The following MAGI2 variants were observed in gnomAD, a reference collection of about 807,000 sequenced individuals.
The protein encoded by MAGI2 is membrane-associated guanylate kinase, WW and PDZ domain-containing protein 2.
In MAGI2, 35 loss-of-function variants were observed where a neutral mutation model predicts 133.3. The observed-to-expected ratio is 0.26, with a 90% CI of 0.20 to 0.35. The LOEUF (loss-of-function observed/expected upper bound fraction) is 0.35. MAGI2 is among the 10% of genes least tolerant of loss of function. MAGI2 has a pLI of 1.00. For synonymous variants in MAGI2, 729 were observed against 710.6 expected (o/e 1.03, Z -0.41); for missense variants, 1,636 against 1,863.4 (o/e 0.88, Z 2.25).
intron 3 of MAGI2, among the ~76,000 whole-genome samples, chr7:78,567,493 C>T (rs1801068684): frequency 6.6e-6 from 1 of 151,988 alleles, no homozygotes; most frequent in Non-Finnish European, 1.5e-5. Context: ...TAATTGGTAG[C>T]TTTTGTATCA....
At chr7:78,344,780 T>A (rs1790733190) in intron 8 of MAGI2, among the ~76,000 whole-genome samples, 6 of 152,244 alleles carry the variant, frequency 3.9e-5, no homozygotes, top group Non-Finnish European at 8.8e-5. Context: ...GAATAGGCAC[T>A]GCATAGATTT....
At chr7:78,425,204 G>A (rs1211915503) in intron 6 of MAGI2, among the ~76,000 whole-genome samples, 1 of 152,268 alleles carries the variant, frequency 6.6e-6, no homozygotes. Flanking sequence ...CATGAGATCT[G>A]ATGGTTTTAA....
chr7:78,634,207 T>C (rs1288421826), intron 2 of MAGI2, among the ~76,000 whole-genome samples: 1 of 152,266 alleles, frequency 6.6e-6, no homozygotes, highest in Non-Finnish European at 1.5e-5. Context: ...CACAGTGGCT[T>C]GGTCACTAGT....
chr7:78,485,810 T>C (rs1792937569), intron 6 of MAGI2: 2 of 152,028 alleles, frequency 1.3e-5, no homozygotes, highest in South Asian at 4.1e-4. Flanking sequence ...ACAGTGAAGA[T>C]TTTATGACAT....
intron 1 of MAGI2, among the ~76,000 whole-genome samples, chr7:79,347,099 T>C (rs930052010): frequency 6.6e-6 from 1 of 151,922 alleles, no homozygotes; most frequent in African/African-American, 2.4e-5. Flanking sequence ...AGAGTGTTCA[T>C]CTTTACCTTT....
At chr7:78,831,598 A>G (rs1202785904) in intron 2 of MAGI2, among the ~76,000 whole-genome samples, 1 of 152,162 alleles carries the variant, frequency 6.6e-6, no homozygotes, top group Non-Finnish European at 1.5e-5. Flanking sequence ...TCAGGCAACT[A>G]ACTTCATTGA....
At chr7:78,300,187 A>C (rs1249007191) in intron 9 of MAGI2, among the ~76,000 whole-genome samples, 1 of 152,200 alleles carries the variant, frequency 6.6e-6, no homozygotes, top group South Asian at 2.1e-4. Context: ...ACTATATTAC[A>C]ACAGCTATTA....
rs566372201 is a variant in MAGI2 at position 78,944,483 on chromosome 7, T to TA, written c.418+62606dup. Among the ~76,000 whole-genome samples the TA allele has an allele frequency of 4.6e-3, 707 of 152,160 alleles. 4 individuals carry two copies. Among genetic ancestry groups the TA allele is most frequent in the Non-Finnish European group, 8.5e-3 (576 of 67,996 alleles). ...CATTTCATTCAAGTCTAATTGTAGT[T>TA]AAAAAGGTATATAGGGTCTGCATTC... On this transcript the variant is annotated intron_variant, in intron 2 of 21. Transcript: ENST00000354212.
intron 1 of MAGI2, among the ~76,000 whole-genome samples, chr7:79,071,987 C>T (rs895552912): frequency 6.6e-6 from 1 of 152,144 alleles, no homozygotes; most frequent in African/African-American, 2.4e-5. Flanking sequence ...AGTATCTGGG[C>T]TAGAGTGCAC....
chr7:78,145,737 C>T (rs892730301), intron 16 of MAGI2, among the ~76,000 whole-genome samples: 3 of 152,164 alleles, frequency 2.0e-5, no homozygotes, highest in Non-Finnish European at 4.4e-5. Context: ...GTAAATCACC[C>T]AGTCTGTGGT....
rs3807720 is a variant in MAGI2 at position 78,122,610 on chromosome 7, T to G, written c.3567+3084A>C. ...ATGAAGTTATGAAATAATGTTCTTTTTCATCATAAAAATACATTTTATGGA... is the reference window on the plus strand; with the variant it reads ...ATGAAGTTATGAAATAATGTTCTTTGTCATCATAAAAATACATTTTATGGA... On this transcript the variant is annotated intron_variant, in intron 20 of 21. Transcript: ENST00000354212. 6.2e-4 allele frequency among the ~76,000 whole-genome samples: 94 copies of G among 152,292 alleles called. No homozygotes were observed. In the East Asian group the frequency reaches 0.016, roughly 27 times the overall value.
chr7:78,453,223 AC>A (rs1235988205), intron 6 of MAGI2, among the ~76,000 whole-genome samples: 1 of 152,188 alleles, frequency 6.6e-6, no homozygotes, highest in Non-Finnish European at 1.5e-5. Context: ...CAGTTAAAAC[AC>A]CAAGGTACTG....
chr7:78,368,837 C>A (rs1182481397), intron 7 of MAGI2, among the ~76,000 whole-genome samples: 1 of 152,158 alleles, frequency 6.6e-6, no homozygotes, highest in East Asian at 1.9e-4. Context: ...TTTGCACAAC[C>A]AGTCAGCTCC....
intron 20 of MAGI2, among the ~76,000 whole-genome samples, chr7:78,120,177 C>G (rs1037119832): frequency 6.6e-6 from 1 of 152,012 alleles, no homozygotes; most frequent in Non-Finnish European, 1.5e-5. Context: ...CCGAGGTGGG[C>G]GGATCACGAG....
At chr7:78,572,518 T>C (rs1239961728) in intron 3 of MAGI2, among the ~76,000 whole-genome samples, 1 of 152,122 alleles carries the variant, frequency 6.6e-6, no homozygotes, top group Non-Finnish European at 1.5e-5. Context: ...CTGTTGAAAG[T>C]AGTATATTCA....
chr7:78,932,174 G>A (rs1017371099), intron 2 of MAGI2, among the ~76,000 whole-genome samples: 8 of 152,018 alleles, frequency 5.3e-5, no homozygotes, highest in African/African-American at 1.7e-4. Flanking sequence ...ATACACCAAT[G>A]TCAAGTTTCC....
intron 2 of MAGI2, among the ~76,000 whole-genome samples, chr7:78,859,096 A>G (rs562864139): frequency 7.1e-4 from 107 of 151,592 alleles, no homozygotes; most frequent in Non-Finnish European, 5.4e-4. Flanking sequence ...TGCTTGGTAG[A>G]TCTTCCTCCA....
intron 6 of MAGI2, among the ~76,000 whole-genome samples, chr7:78,461,564 C>A (rs1420269001): frequency 6.6e-6 from 1 of 151,828 alleles, no homozygotes; most frequent in Non-Finnish European, 1.5e-5. Flanking sequence ...AAAGATTTTT[C>A]CTGGTTTTGG....
chr7:78,192,867 G>T (rs1487819416), intron 12 of MAGI2, among the ~76,000 whole-genome samples: 5 of 152,170 alleles, frequency 3.3e-5, no homozygotes, highest in Non-Finnish European at 7.3e-5. Context: ...AGCGGCACAG[G>T]GAGAGCACCG....
Sources: gnomAD v4.1 joint callset for allele counts (sites outside exome capture counted in the v4.1 genomes callset) on GRCh38, gnomAD v4.1.1 for gene constraint, MANE v1.5 for transcripts, NCBI Gene and HGNC (gene_info 2026-07-23, HGNC 2026-07-21) for gene names.